DIAPH2: variants seen among roughly 807,000 people sequenced by gnomAD.
DIAPH2 encodes the protein diaphanous related formin 2.
DIAPH2 carries 35 observed loss-of-function variants against 92.7 expected under a neutral mutation model. That is an observed-to-expected ratio of 0.38 (90% CI 0.29 to 0.50). DIAPH2 has a LOEUF of 0.50. Ranked by LOEUF, DIAPH2 falls within the 20% of genes least tolerant of loss-of-function variation. DIAPH2 has a pLI of 0.94. For synonymous variants in DIAPH2, 301 were observed against 280.4 expected (o/e 1.07, Z -0.73); for missense variants, 701 against 819.5 (o/e 0.86, Z 1.77).
chrX:97,032,333 C>T (rs2066381446), intron 17 of DIAPH2, among the ~76,000 whole-genome samples: 1 of 111,011 alleles, frequency 9.0e-6, no homozygotes, highest in South Asian at 3.8e-4. Flanking sequence ...GAGCTTTGTA[C>T]ATATTCTATA....
At chrX:97,573,237 G>T in intron 26 of DIAPH2, among the ~76,000 whole-genome samples, 1 of 111,409 alleles carries the variant, frequency 9.0e-6, no homozygotes, top group Non-Finnish European at 1.9e-5. Flanking sequence ...GTCCCATTGA[G>T]CAAATTCACA....
At chrX:96,810,611 G>A (rs2064670606) in intron 4 of DIAPH2, among the ~76,000 whole-genome samples, 1 of 111,399 alleles carries the variant, frequency 9.0e-6, no homozygotes, top group African/African-American at 3.3e-5. Context: ...TGTCCTGAAT[G>A]GTATTGCCTA....
chrX:97,134,994 A>C (rs1449708154), intron 21 of DIAPH2, among the ~76,000 whole-genome samples: 1 of 111,486 alleles, frequency 9.0e-6, no homozygotes, highest in South Asian at 3.8e-4. Context: ...GTCAGCCCTA[A>C]TTATTTTTGG....
At chrX:97,092,160 AT>A (rs1395066286) in intron 19 of DIAPH2, among the ~76,000 whole-genome samples, 1 of 110,851 alleles carries the variant, frequency 9.0e-6, no homozygotes, top group African/African-American at 3.3e-5. Context: ...CTTTCTTTTT[AT>A]TTTTTTTCCC....
At chrX:97,055,894 T>C (rs1270987915) in intron 17 of DIAPH2, among the ~76,000 whole-genome samples, 1 of 111,881 alleles carries the variant, frequency 8.9e-6, no homozygotes, top group Non-Finnish European at 1.9e-5. Flanking sequence ...GGTAAATATG[T>C]AACATACTTA....
At position 97,147,316 on chromosome X, in the gene DIAPH2, A is replaced by AT. The variant is rs67168549; in HGVS notation, c.2719+5532dup. Among the ~76,000 whole-genome samples, 188 of 106,715 alleles carry AT rather than the reference A, an allele frequency of 1.8e-3. 1 individual carries two copies. The highest frequency in any genetic ancestry group is 3.0e-3 in the Non-Finnish European group (154 of 51,552). 92.7% of individuals were successfully genotyped at this position (106,715 alleles called of 115,157 possible). A position where few individuals can be genotyped will look rare whatever the true frequency, so the allele number is the denominator to read the frequency against. On this transcript the variant is annotated intron_variant, in intron 22 of 26. Transcript: ENST00000324765. ...GACTTTGATGCCTTTAAAACATTGA[A>AT]TTTTTTTTTTCTTTTGGTGAACCAC...
At chrX:96,909,807 A>G (rs1351374071) in intron 5 of DIAPH2, among the ~76,000 whole-genome samples, 1 of 111,305 alleles carries the variant, frequency 9.0e-6, no homozygotes, top group Non-Finnish European at 1.9e-5. Context: ...CCAAAGTACC[A>G]TAAACTGCAT....
intron 5 of DIAPH2, among the ~76,000 whole-genome samples, chrX:96,897,156 G>C (rs2065350474): frequency 9.0e-6 from 1 of 111,298 alleles, no homozygotes; most frequent in Non-Finnish European, 1.9e-5. Context: ...ATTGCTAAGA[G>C]AAGAAATTTT....
At chrX:97,354,691 A>G (rs1215515076) in intron 24 of DIAPH2, among the ~76,000 whole-genome samples, 1 of 112,824 alleles carries the variant, frequency 8.9e-6, no homozygotes, top group African/African-American at 3.2e-5. Context: ...AGCTTTTTAA[A>G]CTAAAATGGT....
At chrX:96,886,308 G>A (rs2065261628) in intron 5 of DIAPH2, among the ~76,000 whole-genome samples, 1 of 109,035 alleles carries the variant, frequency 9.2e-6, no homozygotes, top group African/African-American at 3.3e-5. Flanking sequence ...ATGAATATAT[G>A]TTATATTTTA....
chrX:97,454,883 G>C lies in DIAPH2; in HGVS notation c.3241+25138G>C, dbSNP rs755569923. On this transcript the variant is annotated intron_variant, in intron 26 of 26. Coordinates refer to ENST00000324765, the MANE Select transcript of DIAPH2 (RefSeq NM_006729.5). ...AAAAAAAAAAATTAAAATTAAATTT[G>C]TAAATGAAAAAGATCTTTGAGCATA... Among the ~76,000 whole-genome samples, 7 of 110,703 alleles carry C rather than the reference G, an allele frequency of 6.3e-5. No homozygotes were observed. The East Asian group carries it at 2.0e-3, about 31-fold the overall frequency.
At chrX:96,922,810 C>T (rs182931151) in intron 9 of DIAPH2, among the ~76,000 whole-genome samples, 2 of 111,811 alleles carry the variant, frequency 1.8e-5, no homozygotes, top group Admixed American at 1.9e-4. Flanking sequence ...TATTTCCCCA[C>T]CTATATCTGT....
At chrX:97,592,447 A>C in intron 26 of DIAPH2, among the ~76,000 whole-genome samples, 1 of 111,930 alleles carries the variant, frequency 8.9e-6, no homozygotes, top group Non-Finnish European at 1.9e-5. Context: ...TTTCATGTTG[A>C]TAACAAGCTA....
At chrX:97,295,885 C>T (rs2068639428) in intron 23 of DIAPH2, among the ~76,000 whole-genome samples, 2 of 109,686 alleles carry the variant, frequency 1.8e-5, no homozygotes, top group African/African-American at 6.6e-5. Context: ...GCGTGCACCA[C>T]CATGCCCAGC....
intron 17 of DIAPH2, among the ~76,000 whole-genome samples, chrX:96,978,513 CAG>C (rs2065975696): frequency 9.1e-6 from 1 of 110,382 alleles, no homozygotes; most frequent in African/African-American, 3.3e-5. Flanking sequence ...AAAATTATAA[CAG>C]AAAAATATCT....
Position 96,939,848 on chromosome X carries a change from A to G in DIAPH2, c.1325+466A>G, listed in dbSNP as rs1470612030. Among the ~76,000 whole-genome samples the G allele has an allele frequency of 2.4e-5, 2 of 84,622 alleles. 1 individual carries two copies. Among genetic ancestry groups the G allele is most frequent in the African/African-American group, 1.0e-4 (2 of 19,427 alleles). 73.5% of individuals were successfully genotyped at this position (84,622 alleles called of 115,157 possible). ...CCCGGCTAATTTTTGTATTTTTAGT[A>G]GAGACGGGGTTTCACCGTGTTAGCC... On this transcript the variant is annotated intron_variant, in intron 12 of 26. Coordinates refer to ENST00000324765, the MANE Select transcript of DIAPH2 (RefSeq NM_006729.5).
Position 96,947,415 on chromosome X carries a change from CT to C in DIAPH2, c.1510-1518del, listed in dbSNP as rs1569432850. Among the ~76,000 whole-genome samples, 4 of 110,973 alleles carry C rather than the reference CT, an allele frequency of 3.6e-5. No individual in the cohort carries two copies. In the Admixed American group the frequency reaches 3.8e-4, roughly 11 times the overall value. Reference sequence around the variant, plus strand: ...CAAGCTCACATTGGAGGATATCCATCTTCTTAATGAAGTAGGAAAACGAGGT... The same window carrying C: ...CAAGCTCACATTGGAGGATATCCATCTCTTAATGAAGTAGGAAAACGAGGT... On this transcript the variant is annotated intron_variant, in intron 14 of 26. Coordinates refer to ENST00000324765, the MANE Select transcript of DIAPH2 (RefSeq NM_006729.5).
intron 22 of DIAPH2, among the ~76,000 whole-genome samples, chrX:97,216,361 G>A (rs2067883651): frequency 9.0e-6 from 1 of 111,533 alleles, no homozygotes; most frequent in South Asian, 3.8e-4. Flanking sequence ...CTGGAGTACA[G>A]TGGTGTGATC....
chrX:97,345,052 T>G (rs1297704859), intron 23 of DIAPH2, among the ~76,000 whole-genome samples: 1 of 111,738 alleles, frequency 8.9e-6, no homozygotes. Flanking sequence ...AAATGAAGAG[T>G]CTTCTTTCTG....
Sources: allele counts gnomAD v4.1 joint callset (sites outside exome capture counted in the v4.1 genomes callset), GRCh38; gene constraint gnomAD v4.1.1; transcripts MANE v1.5; gene names NCBI Gene and HGNC (gene_info 2026-07-23, HGNC 2026-07-21).